Variants in KCNAB2 observed in about 807,000 individuals in gnomAD.
The protein encoded by KCNAB2 is potassium voltage-gated channel subfamily A regulatory beta subunit 2.
In KCNAB2, 29 loss-of-function variants were observed where a neutral mutation model predicts 63.6. The observed-to-expected ratio is 0.46, with a 90% CI of 0.34 to 0.62. KCNAB2 has a LOEUF of 0.62. KCNAB2 is among the 20% of genes least tolerant of loss of function. The probability of loss-of-function intolerance (pLI) is 0.01; values close to 1 mark genes in which losing one functional copy is unlikely to be tolerated. For missense variants in KCNAB2, 359 were observed against 563.9 expected (o/e 0.64, Z 3.68); for synonymous variants, 222 against 224.2 (o/e 0.99, Z 0.09).
At chr1:6,054,260 A>C (rs1661625656) in intron 2 of KCNAB2, among the ~76,000 whole-genome samples, 1 of 152,088 alleles carries the variant, frequency 6.6e-6, no homozygotes, top group African/African-American at 2.4e-5. Flanking sequence ...TTACCGGTGG[A>C]GGGTGTGCAG....
At position 6,052,080 on chromosome 1, in the gene KCNAB2, C is replaced by T. The variant is rs922500424; in HGVS notation, c.218+326C>T. On this transcript the variant is annotated intron_variant, in intron 2 of 15. Coordinates refer to ENST00000378083, the MANE Select transcript of KCNAB2 (RefSeq NM_001199862.2). ...TCATACCACTGCACTCCAGCCTGGG[C>T]GACAAGAGTGAGACACTGTCTCAAC... 2.0e-5 allele frequency among the ~76,000 whole-genome samples: 3 copies of T among 151,402 alleles called. 1 individual carries two copies. The East Asian group carries it at 5.8e-4, about 29-fold the overall frequency.
At chr1:6,085,813 G>C in intron 6 of KCNAB2, 1 of 987,828 alleles carries the variant, frequency 1.0e-6, no homozygotes, top group Non-Finnish European at 1.2e-6. Context: ...GGACCGTTCC[G>C]GCAGGGCTAT....
Position 6,096,873 on chromosome 1 carries a change from T to C in KCNAB2, c.1069+117T>C. ...TGTCTCCGGGGAGAGAGGGAAGGGA[T>C]CCCTGGACATCATCCCCCAGCCAGC... On this transcript the variant is annotated intron_variant, in intron 14 of 15. Transcript: ENST00000378083. The surrounding 1 kb of genome is among the most constrained non-coding windows in gnomAD (Gnocchi z 5.9). 2 of 1,293,122 alleles carry C rather than the reference T, an allele frequency of 1.5e-6. No individual in the cohort carries two copies. The highest frequency in any genetic ancestry group is 1.0e-6 in the Non-Finnish European group (1 of 968,060). The allele number at this position is 1,293,122 out of a possible 1,614,324, so 80.1% of individuals were successfully genotyped here. A position where few individuals can be genotyped will look rare whatever the true frequency, so the allele number is the denominator to read the frequency against.
chr1:6,092,371 G>A (rs945145767), intron 10 of KCNAB2, among the ~76,000 whole-genome samples: 1 of 152,228 alleles, frequency 6.6e-6, no homozygotes, highest in Non-Finnish European at 1.5e-5. Context: ...CGTCAGCCCC[G>A]TCTCTCCATC....
chr1:6,065,061 T>C (rs977632154), intron 2 of KCNAB2, among the ~76,000 whole-genome samples: 108 of 152,330 alleles, frequency 7.1e-4, no homozygotes, highest in African/African-American at 2.5e-3. Context: ...TTCTTCACAT[T>C]TCTGGTGATG....
At chr1:6,049,117 T>C (rs926666962) in intron 1 of KCNAB2, among the ~76,000 whole-genome samples, 5 of 152,222 alleles carry the variant, frequency 3.3e-5, no homozygotes. Flanking sequence ...GAGGACGACC[T>C]GCAAAGAGCC....
Position 6,082,056 on chromosome 1 carries a change from A to G in KCNAB2, c.301-139A>G, listed in dbSNP as rs1664254154. On this transcript the variant is annotated intron_variant, in intron 4 of 15. Coordinates refer to ENST00000378083, the MANE Select transcript of KCNAB2 (RefSeq NM_001199862.2). Reference sequence around the variant, plus strand: ...TCCTGTGGCAGGAGAGGGCAAGGAGACAGCCCACAGGGGAGCCTGTCGGGC... The same window carrying G: ...TCCTGTGGCAGGAGAGGGCAAGGAGGCAGCCCACAGGGGAGCCTGTCGGGC... The G allele has an allele frequency of 5.9e-6, 4 of 672,566 alleles. No homozygotes were observed. In the South Asian group the frequency reaches 6.7e-5, roughly 11 times the overall value. The allele number at this position is 672,566 out of a possible 1,614,324, so 41.7% of individuals were successfully genotyped here. A position where few individuals can be genotyped will look rare whatever the true frequency, so the allele number is the denominator to read the frequency against.
Position 6,082,266 on chromosome 1 carries a change from A to T in KCNAB2, c.372A>T (p.Ala124=). The T allele has an allele frequency of 6.2e-7, 1 of 1,612,530 alleles. No individual in the cohort carries two copies. Among genetic ancestry groups the T allele is most frequent in the Non-Finnish European group, 8.5e-7 (1 of 1,179,208 alleles). Reference sequence around the variant, plus strand: ...TCTTCGATACAGCAGAAGTCTACGCAGCCGGCAAGTACGTGTCTTTTCACA... The same window carrying T: ...TCTTCGATACAGCAGAAGTCTACGCTGCCGGCAAGTACGTGTCTTTTCACA... ...INLFDTAEVY[A]AGKAEVVLGN... Residue 124 remains alanine (A), a synonymous_variant, in exon 5 of 16, where the codon GCA becomes GCT. Transcript: ENST00000378083.
upstream of KCNAB2, among the ~76,000 whole-genome samples, chr1:6,043,236 G>A (rs1255847903): frequency 6.6e-6 from 1 of 152,088 alleles, no homozygotes. Context: ...GGTCTGATGA[G>A]CAGGCAGGAA....
At chr1:6,004,171 T>C (rs1460770125) in intron 1 of KCNAB2, among the ~76,000 whole-genome samples, 1 of 151,858 alleles carries the variant, frequency 6.6e-6, no homozygotes, top group Non-Finnish European at 1.5e-5. Context: ...AAGAGGTCAC[T>C]TCCCACAAAA....
At chr1:6,061,598 G>T (rs1662326317) in intron 2 of KCNAB2, among the ~76,000 whole-genome samples, 1 of 152,236 alleles carries the variant, frequency 6.6e-6, no homozygotes, top group Non-Finnish European at 1.5e-5. Context: ...CTCCTGCCCA[G>T]TTGGGACAAC....
upstream of KCNAB2, chr1:6,034,253 A>G (rs531418068): frequency 1.3e-5 from 2 of 152,504 alleles, no homozygotes; most frequent in African/African-American, 4.8e-5. Context: ...ACTCTGGGCC[A>G]GTCGGCTCTG....
intron 5 of KCNAB2, among the ~76,000 whole-genome samples, chr1:6,084,648 T>C (rs976286291): frequency 6.6e-6 from 1 of 152,046 alleles, no homozygotes; most frequent in African/African-American, 2.4e-5. Flanking sequence ...AAACCCCGTC[T>C]CTACTAAAAA....
intron 1 of KCNAB2, among the ~76,000 whole-genome samples, chr1:6,048,699 C>T (rs527698237): frequency 2.0e-4 from 30 of 152,352 alleles, no homozygotes; most frequent in African/African-American, 7.0e-4. Flanking sequence ...TCAGAAAGAG[C>T]CCTGGGGCTA....
rs140283302 is a variant in KCNAB2, at chr1:6,081,763, G to C, written c.301-432G>C. ...TAAATCACCAGTCACATAGGGTGTAGGACCCACCCTAACACAGTACGACCT... is the reference window on the plus strand; with the variant it reads ...TAAATCACCAGTCACATAGGGTGTACGACCCACCCTAACACAGTACGACCT... On this transcript the variant is annotated intron_variant, in intron 4 of 15. Transcript: ENST00000378083. Among the ~76,000 whole-genome samples the C allele has an allele frequency of 1.5e-3, 231 of 152,298 alleles. 2 individuals are homozygous for C. The highest frequency in any genetic ancestry group is 2.5e-3 in the Admixed American group (39 of 15,310).
chr1:6,007,209 G>A (rs886482328), intron 1 of KCNAB2, among the ~76,000 whole-genome samples: 1 of 152,000 alleles, frequency 6.6e-6, no homozygotes, highest in Non-Finnish European at 1.5e-5. Flanking sequence ...CATGGGGGGG[G>A]CTCAGCTCCT....
rs565166902 is a variant in KCNAB2, at chr1:6,095,171, G to A, written c.733-152G>A. The A allele has an allele frequency of 1.6e-3, 1,261 of 786,824 alleles. 5 individuals are homozygous for A. Among genetic ancestry groups the A allele is most frequent in the Non-Finnish European group, 2.1e-3 (1,036 of 495,266 alleles). The allele number at this position is 786,824 out of a possible 1,614,324, so 48.7% of individuals were successfully genotyped here. A position where few individuals can be genotyped will look rare whatever the true frequency, so the allele number is the denominator to read the frequency against. ...TCACCAGGGCCTGCCTGGCTCCCAGGGAAGCTATGAGTGTGAGCAGTGGGG... is the reference window on the plus strand; with the variant it reads ...TCACCAGGGCCTGCCTGGCTCCCAGAGAAGCTATGAGTGTGAGCAGTGGGG... On this transcript the variant is annotated intron_variant, in intron 11 of 15. Transcript: ENST00000378083.
At chr1:6,083,769 C>T (rs373706906) in intron 5 of KCNAB2, among the ~76,000 whole-genome samples, 116 of 152,306 alleles carry the variant, frequency 7.6e-4, no homozygotes, top group Middle Eastern at 6.8e-3. Context: ...GGGCCAAACC[C>T]GTATCTTCCC....
Position 6,005,340 on chromosome 1 carries a change from G to A in KCNAB2, c.-53+12552G>A, listed in dbSNP as rs796825711. Among the ~76,000 whole-genome samples, 7 of 1,104 alleles carry A rather than the reference G, an allele frequency of 6.3e-3. 2 individuals carry two copies. The highest frequency in any genetic ancestry group is 0.033 in the African/African-American group (5 of 152). 0.7% of individuals were successfully genotyped at this position (1,104 alleles called of 152,430 possible). On this transcript the variant is annotated intron_variant, in intron 1 of 16. Coordinates refer to the KCNAB2 transcript ENST00000341524. The stretch of plus-strand genomic sequence containing the variant: ...GAAGCTGAGCTGAGGGGTGAGGGTA[G>A]AGTGGGGGGATGTGGGAGCTGAGCT...
Sources: gnomAD v4.1 joint callset for allele counts (sites outside exome capture counted in the v4.1 genomes callset) on GRCh38, gnomAD v4.1.1 for gene constraint, Gnocchi (gnomAD v3.1) non-coding constraint, MANE v1.5 for transcripts, NCBI Gene and HGNC (gene_info 2026-07-23, HGNC 2026-07-21) for gene names.